CACNA1C: variants seen among roughly 807,000 people sequenced by gnomAD.
The protein encoded by CACNA1C is voltage-dependent L-type calcium channel subunit alpha-1C.
A neutral mutation model predicts 229.0 loss-of-function variants in CACNA1C; 30 were observed. That is an observed-to-expected ratio of 0.13 (90% CI 0.10 to 0.18). The LOEUF (loss-of-function observed/expected upper bound fraction) is 0.18. Ranked by LOEUF, CACNA1C falls within the 10% of genes least tolerant of loss-of-function variation. The pLI is 1.00. For missense variants in CACNA1C, 1,658 were observed against 2,845.0 expected, an observed-to-expected ratio of 0.58 and a Z score of 9.49; for synonymous variants, 1,114 against 1,132.5, an observed-to-expected ratio of 0.98 and a Z score of 0.33.
Position 2,666,617 on chromosome 12 carries a change from TGCG to T in CACNA1C, c.4527-68_4527-66del. The T allele has an allele frequency of 3.1e-6, 3 of 982,986 alleles. No individual in the cohort carries two copies. The highest frequency in any genetic ancestry group is 3.2e-6 in the Non-Finnish European group (2 of 634,170). 60.9% of individuals were successfully genotyped at this position (982,986 alleles called of 1,614,324 possible). On this transcript the variant is annotated intron_variant, in intron 36 of 46. Coordinates refer to ENST00000399655, the MANE Select transcript of CACNA1C (RefSeq NM_000719.7). The surrounding 1 kb of genome is among the most constrained non-coding windows in gnomAD (Gnocchi z 5.3). Reference sequence around the variant, plus strand: ...GAGTGGGCCCTACCCCTCAGGCGCATGCGTCCTGGGCTGCTGGCAGAGACCGTG... The same window carrying T: ...GAGTGGGCCCTACCCCTCAGGCGCATTCCTGGGCTGCTGGCAGAGACCGTG...
intron 1 of CACNA1C, among the ~76,000 whole-genome samples, chr12:2,097,298 A>G (rs376875724): frequency 1.3e-5 from 2 of 151,984 alleles, no homozygotes; most frequent in Admixed American, 6.6e-5. Context: ...GGCGCCTGCC[A>G]CCACGCCCAG....
chr12:2,626,054 C>T (rs1369986076), intron 29 of CACNA1C, among the ~76,000 whole-genome samples: 1 of 152,246 alleles, frequency 6.6e-6, no homozygotes, highest in East Asian at 1.9e-4. Context: ...GTTAGGTAAC[C>T]TGCCTGCACA....
In CACNA1C at chr12:2,181,995, T is replaced by C. The variant is rs2096854151; in HGVS notation, c.477+61565T>C. ...GGTTCAATAGGGAGCTCTTCAGAAA[T>C]GGAACATGTTGAGAGGCCAGGAGTT... is the stretch of plus-strand genomic sequence containing the variant. On this transcript the variant is annotated intron_variant, in intron 3 of 46. Transcript: ENST00000399655. This position sits in a 1 kb window ranked among gnomAD's most constrained non-coding sequence, Gnocchi z 4.0. Among the ~76,000 whole-genome samples the C allele has an allele frequency of 6.6e-6, 1 of 151,822 alleles. No individual in the cohort carries two copies. The highest frequency in any genetic ancestry group is 1.5e-5 in the Non-Finnish European group (1 of 67,978).
chr12:2,548,389 C>G (rs1042928658), intron 9 of CACNA1C, among the ~76,000 whole-genome samples: 1 of 152,090 alleles, frequency 6.6e-6, no homozygotes, highest in Non-Finnish European at 1.5e-5. Flanking sequence ...CTGGGGCGCT[C>G]AAGATGAACA....
intron 10 of CACNA1C, among the ~76,000 whole-genome samples, chr12:2,552,698 G>A (rs943066490): frequency 6.6e-6 from 1 of 152,184 alleles, no homozygotes; most frequent in East Asian, 1.9e-4. Flanking sequence ...AAGAAGGGCT[G>A]TGTTGTGTGT....
At chr12:2,576,135 G>T (rs1274568867) in intron 13 of CACNA1C, among the ~76,000 whole-genome samples, 1 of 152,194 alleles carries the variant, frequency 6.6e-6, no homozygotes, top group Non-Finnish European at 1.5e-5. Flanking sequence ...AGGTGGCAGA[G>T]AACTTGATGT....
rs1355667869 is a variant in CACNA1C at position 2,579,771 on chromosome 12, G to T, written c.1896-1819G>T. Among the ~76,000 whole-genome samples the T allele has an allele frequency of 7.9e-5, 12 of 152,080 alleles. No homozygotes were observed. The East Asian group carries it at 2.3e-3, about 29-fold the overall frequency. On this transcript the variant is annotated intron_variant, in intron 13 of 46. Coordinates refer to ENST00000399655, the MANE Select transcript of CACNA1C (RefSeq NM_000719.7). ...AATTTTTTAATTTTTTAAAGATGAG[G>T]TCTCACACTGCTGCCCAAGCTGGTC...
At chr12:2,131,895 C>T (rs1298494819) in intron 3 of CACNA1C, among the ~76,000 whole-genome samples, 1 of 146,808 alleles carries the variant, frequency 6.8e-6, no homozygotes, top group Non-Finnish European at 1.5e-5. Flanking sequence ...TTACCTTGGG[C>T]AGTATGGCCA....
chr12:2,159,025 A>G (rs999776130), intron 3 of CACNA1C, among the ~76,000 whole-genome samples: 6 of 152,216 alleles, frequency 3.9e-5, no homozygotes, highest in Non-Finnish European at 5.9e-5. Flanking sequence ...AAACCTTAAA[A>G]ATCACCAAGG....
Position 2,287,352 on chromosome 12 carries a change from C to G in CACNA1C, c.478-161624C>G, listed in dbSNP as rs1215021713. Among the ~76,000 whole-genome samples the G allele has an allele frequency of 1.3e-5, 2 of 152,188 alleles. No individual in the cohort carries two copies. The highest frequency in any genetic ancestry group is 2.4e-5 in the African/African-American group (1 of 41,438). On this transcript the variant is annotated intron_variant, in intron 3 of 46. Coordinates refer to ENST00000399655, the MANE Select transcript of CACNA1C (RefSeq NM_000719.7). The surrounding 1 kb of genome is among the most constrained non-coding windows in gnomAD (Gnocchi z 4.6). ...GTCGCTGGATACGCGATCAGTGTCC[C>G]TTGAGGCAGTGCTGCACATGGTGCA...
intron 4 of CACNA1C, among the ~76,000 whole-genome samples, chr12:2,449,431 A>G (rs558520264): frequency 5.3e-5 from 8 of 152,228 alleles, no homozygotes; most frequent in Admixed American, 3.3e-4. Context: ...GTTCCACCCT[A>G]GTGTGCACTC....
At chr12:2,416,283 G>T (rs372236200) in intron 3 of CACNA1C, among the ~76,000 whole-genome samples, 38 of 151,938 alleles carry the variant, frequency 2.5e-4, no homozygotes, top group Middle Eastern at 6.8e-3. Flanking sequence ...ACTCTATTTC[G>T]TGGGCCTGGA....
At chr12:2,537,194 T>C (rs115538359) in intron 9 of CACNA1C, among the ~76,000 whole-genome samples, 466 of 152,318 alleles carry the variant, frequency 3.1e-3, no homozygotes, top group African/African-American at 0.01. Flanking sequence ...ACCCTTGCTC[T>C]CCCATGACAG....
At chr12:2,343,956 GT>G (rs1405003292) in intron 3 of CACNA1C, among the ~76,000 whole-genome samples, 1 of 152,168 alleles carries the variant, frequency 6.6e-6, no homozygotes, top group East Asian at 1.9e-4. Flanking sequence ...ATAATGACCA[GT>G]TTGGTTCCTG....
At chr12:2,231,817 G>A (rs776520404) in intron 3 of CACNA1C, among the ~76,000 whole-genome samples, 8 of 152,126 alleles carry the variant, frequency 5.3e-5, no homozygotes, top group Non-Finnish European at 1.2e-4. Context: ...TCCTTTGACC[G>A]GTAGGCAGGT....
At chr12:2,389,068 C>T (rs192777840) in intron 3 of CACNA1C, among the ~76,000 whole-genome samples, 7 of 152,054 alleles carry the variant, frequency 4.6e-5, no homozygotes, top group Non-Finnish European at 1.5e-5. Context: ...CAATGACCAG[C>T]GTAGACAGAG....
intron 1 of CACNA1C, among the ~76,000 whole-genome samples, chr12:2,101,314 G>A (rs1159150071): frequency 6.6e-6 from 1 of 152,100 alleles, no homozygotes; most frequent in East Asian, 1.9e-4. Context: ...TCCTGAGAAG[G>A]GTGGTGAATG....
chr12:2,106,386 A>T (rs1480562084), intron 1 of CACNA1C, among the ~76,000 whole-genome samples: 1 of 58,052 alleles, frequency 1.7e-5, no homozygotes, highest in Admixed American at 1.6e-4. Context: ...CACCCCGGGG[A>T]GGGTTTCCAC....
At chr12:2,680,270 C>T in intron 42 of CACNA1C, 9 of 991,548 alleles carry the variant, frequency 9.1e-6, no homozygotes, top group Middle Eastern at 2.2e-4. Context: ...CTGGCCCATT[C>T]TGCCCAGCAC....
Sources: allele counts gnomAD v4.1 joint callset (sites outside exome capture counted in the v4.1 genomes callset), GRCh38; gene constraint gnomAD v4.1.1; non-coding constraint Gnocchi (gnomAD v3.1); transcripts MANE v1.5; gene names NCBI Gene and HGNC (gene_info 2026-07-23, HGNC 2026-07-21).